Variants in PPP3CC observed in about 807,000 individuals in gnomAD.
PPP3CC encodes the protein serine/threonine-protein phosphatase 2B catalytic subunit gamma isoform.
In PPP3CC, 35 loss-of-function variants were observed where a neutral mutation model predicts 60.3. The observed-to-expected ratio is 0.58, with a 90% CI of 0.44 to 0.77. PPP3CC has a LOEUF of 0.77. PPP3CC is among the 30% of genes least tolerant of loss of function. The pLI is 0.00. For synonymous variants in PPP3CC, 206 were observed against 224.3 expected (o/e 0.92, Z 0.73); for missense variants, 570 against 628.9 (o/e 0.91, Z 1.00).
At chr8:22,536,987 C>G (rs1271322391) in intron 12 of PPP3CC, among the ~76,000 whole-genome samples, 1 of 152,160 alleles carries the variant, frequency 6.6e-6, no homozygotes. Context: ...AAATTTGACT[C>G]TAAGCATCCC....
chr8:22,537,252 A>G (rs991619571), intron 12 of PPP3CC, among the ~76,000 whole-genome samples: 1 of 152,242 alleles, frequency 6.6e-6, no homozygotes, highest in Non-Finnish European at 1.5e-5. Flanking sequence ...AAAATGGGTA[A>G]AGAATTGAAT....
chr8:22,476,176 G>T (rs1286246243), intron 3 of PPP3CC, among the ~76,000 whole-genome samples: 1 of 152,162 alleles, frequency 6.6e-6, no homozygotes, highest in Non-Finnish European at 1.5e-5. Flanking sequence ...ATAGGAACAT[G>T]TTTAGAATTA....
At chr8:22,444,058 T>G (rs75520805) in intron 1 of PPP3CC, among the ~76,000 whole-genome samples, 3,341 of 152,178 alleles carry the variant, frequency 0.022, 92 homozygotes, top group East Asian at 0.085. Context: ...GTGGGAGAGG[T>G]TTGTATTTTA....
At chr8:22,503,656 G>T (rs1160321271) in intron 4 of PPP3CC, among the ~76,000 whole-genome samples, 4 of 152,120 alleles carry the variant, frequency 2.6e-5, no homozygotes, top group Non-Finnish European at 5.9e-5. Flanking sequence ...ATTTTTAGAA[G>T]ATGGAACAAT....
intron 10 of PPP3CC, among the ~76,000 whole-genome samples, chr8:22,530,439 A>C (rs1586870142): frequency 1.3e-5 from 2 of 151,924 alleles, no homozygotes; most frequent in Non-Finnish European, 2.9e-5. Flanking sequence ...TGGCCAACAG[A>C]GGGAGACCCT....
chr8:22,468,105 CT>C (rs1025497649), intron 1 of PPP3CC, among the ~76,000 whole-genome samples: 3 of 151,860 alleles, frequency 2.0e-5, no homozygotes, highest in African/African-American at 2.4e-5. Flanking sequence ...TCTAGTCATT[CT>C]TTTTTTTGTT....
chr8:22,496,881 T>C (rs919270865), intron 3 of PPP3CC, among the ~76,000 whole-genome samples: 2 of 152,196 alleles, frequency 1.3e-5, no homozygotes, highest in Non-Finnish European at 2.9e-5. Flanking sequence ...TTTTATGTCT[T>C]ATAGGGACAT....
At chr8:22,455,305 A>G (rs896941497) in intron 1 of PPP3CC, among the ~76,000 whole-genome samples, 3 of 152,212 alleles carry the variant, frequency 2.0e-5, no homozygotes, top group African/African-American at 7.2e-5. Flanking sequence ...TTAGAACTAT[A>G]TAGTGACCTA....
intron 1 of PPP3CC, among the ~76,000 whole-genome samples, chr8:22,466,065 C>A (rs768274207): frequency 2.0e-5 from 3 of 152,088 alleles, no homozygotes; most frequent in African/African-American, 7.2e-5. Context: ...TCAATTCCCA[C>A]CCAAGAGTGA....
intron 3 of PPP3CC, among the ~76,000 whole-genome samples, chr8:22,480,854 G>A (rs1212375792): frequency 2.0e-5 from 3 of 152,188 alleles, no homozygotes; most frequent in African/African-American, 7.2e-5. Flanking sequence ...CCACTGCTTT[G>A]GGAGGCCTAG....
rs756620884 is a variant in PPP3CC, at chr8:22,474,941, TA to T, written c.50-12del. ...TTTAAATATTTTAAATTATTATTAT[TA>T]TTTTTTTGTAGCTGTCCCCTTTCCT... On this transcript the variant is annotated splice_polypyrimidine_tract_variant and intron_variant, in intron 1 of 13. Transcript: ENST00000240139. 1.1e-4 allele frequency: 165 copies of T among 1,447,176 alleles called. No homozygotes were observed. The Middle Eastern group carries it at 1.3e-3, about 11-fold the overall frequency. 89.6% of individuals were successfully genotyped at this position (1,447,176 alleles called of 1,614,324 possible).
At chr8:22,490,794 T>A (rs1387561162) in intron 3 of PPP3CC, among the ~76,000 whole-genome samples, 1 of 152,206 alleles carries the variant, frequency 6.6e-6, no homozygotes, top group Non-Finnish European at 1.5e-5. Flanking sequence ...CATTATTTTT[T>A]ATGGCTATGT....
intron 5 of PPP3CC, among the ~76,000 whole-genome samples, chr8:22,512,035 T>A (rs1839102644): frequency 6.6e-6 from 1 of 152,250 alleles, no homozygotes; most frequent in Non-Finnish European, 1.5e-5. Flanking sequence ...CAAGATTCTG[T>A]ATCTTCATTA....
chr8:22,443,551 G>A (rs969502580), intron 1 of PPP3CC, among the ~76,000 whole-genome samples: 1 of 150,394 alleles, frequency 6.6e-6, no homozygotes, highest in African/African-American at 2.4e-5. Flanking sequence ...GCAGGGGCTG[G>A]TTTATTGCTA....
In PPP3CC at chr8:22,484,649, G is replaced by T. The variant is rs186405633; in HGVS notation, c.372+9025G>T. On this transcript the variant is annotated intron_variant, in intron 3 of 13. Transcript: ENST00000240139. ...TATGACTGAATTATCTTCTAACAAG[G>T]TCTGTTCAGTATTTTATTGGTCTCA... 3.7e-3 allele frequency among the ~76,000 whole-genome samples: 560 copies of T among 152,314 alleles called. 6 individuals carry two copies. The highest frequency in any genetic ancestry group is 0.022 in the South Asian group (104 of 4,826).
intron 8 of PPP3CC, among the ~76,000 whole-genome samples, chr8:22,525,415 T>C (rs1839514165): frequency 6.6e-6 from 1 of 152,042 alleles, no homozygotes; most frequent in African/African-American, 2.4e-5. Context: ...GTTGCTCTTC[T>C]TTCTCTTTCT....
At chr8:22,503,559 A>G (rs118143711) in intron 4 of PPP3CC, among the ~76,000 whole-genome samples, 3,073 of 152,196 alleles carry the variant, frequency 0.02, 63 homozygotes, top group Non-Finnish European at 0.025. Flanking sequence ...GGTATATAGT[A>G]GGTGTATCTA....
At position 22,445,770 on chromosome 8, in the gene PPP3CC, T is replaced by G. The variant is rs957796600; in HGVS notation, c.49+4312T>G. On this transcript the variant is annotated intron_variant, in intron 1 of 13. Transcript: ENST00000240139. ...ATAAATTTTCAATGTGAATACGTTT[T>G]AAAGTTGATATCTCCTGGATTTGTC... Among the ~76,000 whole-genome samples, 61 of 152,220 alleles carry G rather than the reference T, an allele frequency of 4.0e-4. 1 individual carries two copies. The highest frequency in any genetic ancestry group is 1.3e-4 in the Admixed American group (2 of 15,286).
At chr8:22,478,193 C>G (rs547402084) in intron 3 of PPP3CC, among the ~76,000 whole-genome samples, 4 of 151,454 alleles carry the variant, frequency 2.6e-5, no homozygotes, top group Non-Finnish European at 3.0e-5. Context: ...GCTCTGTTGC[C>G]CTGGCTGGAG....
Sources: gnomAD v4.1 joint callset for allele counts (sites outside exome capture counted in the v4.1 genomes callset) on GRCh38, gnomAD v4.1.1 for gene constraint, MANE v1.5 for transcripts, NCBI Gene and HGNC (gene_info 2026-07-23, HGNC 2026-07-21) for gene names.